MAGI3: variants seen among roughly 807,000 people sequenced by gnomAD.
MAGI3 encodes the protein membrane-associated guanylate kinase, WW and PDZ domain-containing protein 3.
MAGI3 carries 43 observed loss-of-function variants against 121.8 expected under a neutral mutation model. The observed-to-expected ratio is 0.35, with a 90% CI of 0.28 to 0.46. MAGI3 has a LOEUF of 0.46. MAGI3 is among the 20% of genes least tolerant of loss of function. MAGI3 has a pLI of 1.00. For synonymous variants in MAGI3, 553 were observed against 639.3 expected (o/e 0.86, Z 2.04); for missense variants, 1,547 against 1,797.3 (o/e 0.86, Z 2.52).
intron 1 of MAGI3, among the ~76,000 whole-genome samples, chr1:113,419,272 C>G (rs992210819): frequency 6.6e-6 from 1 of 152,014 alleles, no homozygotes; most frequent in Admixed American, 6.6e-5. Flanking sequence ...AGTCATTTAT[C>G]GAATCTACAT....
chr1:113,541,570 G>A (rs1437982756), intron 1 of MAGI3, among the ~76,000 whole-genome samples: 2 of 152,078 alleles, frequency 1.3e-5, no homozygotes, highest in Admixed American at 6.6e-5. Context: ...TGCCTGTAAC[G>A]AGCGTGGCAT....
At chr1:113,395,811 G>A (rs1381472513) in intron 1 of MAGI3, among the ~76,000 whole-genome samples, 2 of 151,812 alleles carry the variant, frequency 1.3e-5, no homozygotes, top group African/African-American at 4.8e-5. Flanking sequence ...CTAGGTTGAG[G>A]CATTTTAATA....
intron 2 of MAGI3, among the ~76,000 whole-genome samples, chr1:113,561,087 A>C (rs1390293465): frequency 6.6e-6 from 1 of 152,228 alleles, no homozygotes. Flanking sequence ...TTCCCTGAAG[A>C]GACCAATAGC....
intron 1 of MAGI3, among the ~76,000 whole-genome samples, chr1:113,486,886 T>G (rs372963099): frequency 3.3e-5 from 5 of 152,236 alleles, no homozygotes; most frequent in South Asian, 4.1e-4. Flanking sequence ...TTTAATTTTT[T>G]TGTGTGTGGC....
At chr1:113,629,757 T>TCTCTCTCTCTCTCTCC (rs1553209675) in intron 9 of MAGI3, among the ~76,000 whole-genome samples, 4 of 95,692 alleles carry the variant, frequency 4.2e-5, no homozygotes, top group Admixed American at 2.7e-4. Context: ...TCTCTCTCTC[T>TCTCTCTCTCTCTCTCC]CTCTCCCTCC....
In MAGI3 at chr1:113,648,673, C is replaced by T. The variant is rs182630729; in HGVS notation, c.2156-564C>T. On this transcript the variant is annotated intron_variant, in intron 12 of 20. Coordinates refer to ENST00000307546, the MANE Select transcript of MAGI3 (RefSeq NM_001142782.2). ...AACTTACTTACACCCTCAGTTTTCC[C>T]ACCTAGAAAATGGGGCTAATAATAA... is the stretch of plus-strand genomic sequence containing the variant. 1.4e-4 allele frequency among the ~76,000 whole-genome samples: 22 copies of T among 152,104 alleles called. No individual in the cohort carries two copies. The East Asian group carries it at 2.9e-3, about 20-fold the overall frequency.
chr1:113,508,334 C>A (rs1053538696), intron 1 of MAGI3, among the ~76,000 whole-genome samples: 3 of 152,138 alleles, frequency 2.0e-5, no homozygotes, highest in African/African-American at 7.2e-5. Flanking sequence ...GTAGGCACCT[C>A]TCTTTTCAAG....
At chr1:113,544,698 G>A (rs1171566037) in intron 1 of MAGI3, among the ~76,000 whole-genome samples, 1 of 152,170 alleles carries the variant, frequency 6.6e-6, no homozygotes, top group African/African-American at 2.4e-5. Context: ...ATGCCTCAGA[G>A]TGCACAAAGA....
chr1:113,620,463 T>C lies in MAGI3; in HGVS notation c.1171+633T>C, dbSNP rs117658524. ...TGTCATTAATAACCAGGGGTATATATGGCCATATTGTAGTAATCCAGTAGA... is the reference window on the plus strand; with the variant it reads ...TGTCATTAATAACCAGGGGTATATACGGCCATATTGTAGTAATCCAGTAGA... On this transcript the variant is annotated intron_variant, in intron 8 of 20. Coordinates refer to ENST00000307546, the MANE Select transcript of MAGI3 (RefSeq NM_001142782.2). Among the ~76,000 whole-genome samples, 89 of 152,314 alleles carry C rather than the reference T, an allele frequency of 5.8e-4. No homozygotes were observed. The East Asian group carries it at 7.7e-3, about 13-fold the overall frequency.
rs146412718 is a variant in MAGI3 at position 113,653,984 on chromosome 1, C to T, written c.2595C>T (p.Val865=). The T allele has an allele frequency of 1.9e-6, 3 of 1,613,884 alleles. No individual in the cohort carries two copies. The highest frequency in any genetic ancestry group is 1.7e-6 in the Non-Finnish European group (2 of 1,179,876). ...QRKENEGFGF[V]ILTSKNKPPP... ...AAGAAAATGAAGGATTTGGCTTTGT[C>T]ATCCTCACCTCCAAAAACAAACCAC... Residue 865 remains valine, a synonymous_variant, in exon 15 of 21, where the codon GTC becomes GTT. Transcript: ENST00000307546.
intron 1 of MAGI3, among the ~76,000 whole-genome samples, chr1:113,486,950 A>G (rs1445428889): frequency 2.6e-5 from 4 of 152,166 alleles, no homozygotes; most frequent in Non-Finnish European, 5.9e-5. Context: ...GCCTCAAGCA[A>G]TACTCCTGCC....
At chr1:113,507,483 C>G (rs1234904649) in intron 1 of MAGI3, among the ~76,000 whole-genome samples, 1 of 152,146 alleles carries the variant, frequency 6.6e-6, no homozygotes, top group Non-Finnish European at 1.5e-5. Flanking sequence ...GTAAATCTAA[C>G]CTTTTCTCTT....
At chr1:113,610,143 G>A (rs1650031959) in intron 6 of MAGI3, among the ~76,000 whole-genome samples, 1 of 151,804 alleles carries the variant, frequency 6.6e-6, no homozygotes, top group East Asian at 1.9e-4. Flanking sequence ...TTGTTTGTTT[G>A]TTTGTTTTGA....
chr1:113,490,797 C>T (rs921937274), intron 1 of MAGI3, among the ~76,000 whole-genome samples: 2 of 152,168 alleles, frequency 1.3e-5, no homozygotes, highest in Middle Eastern at 3.2e-3. Context: ...AAGGGCATTA[C>T]ATAATGATAA....
chr1:113,634,235 G>C (rs1331831473), intron 9 of MAGI3, among the ~76,000 whole-genome samples: 3 of 151,902 alleles, frequency 2.0e-5, no homozygotes, highest in Non-Finnish European at 4.4e-5. Flanking sequence ...AAGCTCTTTA[G>C]TTTAATTAGA....
chr1:113,614,565 G>A (rs1286863801), intron 6 of MAGI3, 36 bp from the exon 7 acceptor site: 12 of 1,486,286 alleles, frequency 8.1e-6, no homozygotes, highest in African/African-American at 1.4e-5. Context: ...TGTCAGTTTT[G>A]AATCTGGCAT....
chr1:113,486,781 G>A (rs958867939), intron 1 of MAGI3, among the ~76,000 whole-genome samples: 1 of 151,604 alleles, frequency 6.6e-6, no homozygotes, highest in African/African-American at 2.4e-5. Context: ...CCTCCTGAGT[G>A]GCTAGGACTA....
rs190467613 is a variant in MAGI3 at position 113,614,865 on chromosome 1, A to G, written c.1076+207A>G. Among the ~76,000 whole-genome samples, 460 of 152,244 alleles carry G rather than the reference A, an allele frequency of 3.0e-3. 1 individual carries two copies. The highest frequency in any genetic ancestry group is 5.1e-3 in the Non-Finnish European group (348 of 67,980). On this transcript the variant is annotated intron_variant, in intron 7 of 20. Transcript: ENST00000307546. The stretch of plus-strand genomic sequence containing the variant: ...GGCTTTGAATTTCTAAATATAGAGA[A>G]TAAGGGGGAAGTTGCCTAGACAATT...
chr1:113,673,488 C>A (rs1454369063), intron 19 of MAGI3, 23 bp downstream of exon 19: 13 of 1,608,968 alleles, frequency 8.1e-6, no homozygotes, highest in Non-Finnish European at 1.1e-5. Flanking sequence ...CTGTCTGTAA[C>A]CTTAGGTTCA....
Sources: gnomAD v4.1 joint callset for allele counts (sites outside exome capture counted in the v4.1 genomes callset) on GRCh38, gnomAD v4.1.1 for gene constraint, MANE v1.5 for transcripts, NCBI Gene and HGNC (gene_info 2026-07-23, HGNC 2026-07-21) for gene names.